DCC: variants seen among roughly 807,000 people sequenced by gnomAD.
DCC encodes the protein netrin receptor DCC.
A neutral mutation model predicts 172.5 loss-of-function variants in DCC; 58 were observed. The observed-to-expected ratio is 0.34, with a 90% confidence interval of 0.27 to 0.42. DCC has a LOEUF of 0.42. Ranked by LOEUF, DCC falls within the 10% of genes least tolerant of loss-of-function variation. The probability of loss-of-function intolerance (pLI) is 1.00; values close to 1 mark genes in which losing one functional copy is unlikely to be tolerated. For synonymous variants in DCC, 709 were observed against 644.5 expected, an observed-to-expected ratio of 1.10 and a Z score of -1.52; for missense variants, 1,740 against 1,791.0, an observed-to-expected ratio of 0.97 and a Z score of 0.51.
chr18:52,751,242 G>C (rs1260818755), intron 1 of DCC, among the ~76,000 whole-genome samples: 2 of 152,310 alleles, frequency 1.3e-5, no homozygotes, highest in East Asian at 3.9e-4. Flanking sequence ...CAAGGTCTTT[G>C]ACTCAACATG....
At chr18:52,802,899 G>A (rs750949664) in intron 2 of DCC, among the ~76,000 whole-genome samples, 1 of 151,650 alleles carries the variant, frequency 6.6e-6, no homozygotes, top group Non-Finnish European at 1.5e-5. Context: ...TTGCATATTT[G>A]TTATATATTG....
At chr18:53,305,868 AT>A (rs2057194330) in intron 13 of DCC, 149 bp downstream of exon 13, 2 of 749,356 alleles carry the variant, frequency 2.7e-6, no homozygotes, top group Admixed American at 2.2e-5. Context: ...CAACCTTTAT[AT>A]TTTTAACTTT....
chr18:53,030,413 G>C (rs1487863722), intron 5 of DCC, among the ~76,000 whole-genome samples: 2 of 152,016 alleles, frequency 1.3e-5, no homozygotes, highest in East Asian at 1.9e-4. Flanking sequence ...TCAACATAAA[G>C]AACAGGGTCT....
At chr18:53,268,711 C>G (rs146403756) in intron 12 of DCC, among the ~76,000 whole-genome samples, 19 of 152,218 alleles carry the variant, frequency 1.2e-4, no homozygotes, top group Non-Finnish European at 2.6e-4. Context: ...GGTGCTGTCA[C>G]GGTGATTTCA....
chr18:52,845,929 A>T (rs573757139), intron 2 of DCC, among the ~76,000 whole-genome samples: 1 of 152,240 alleles, frequency 6.6e-6, no homozygotes, highest in East Asian at 1.9e-4. Context: ...TTTCTGATTG[A>T]TTATACTTAA....
intron 7 of DCC, among the ~76,000 whole-genome samples, chr18:53,069,222 T>G (rs1484113914): frequency 6.6e-6 from 1 of 152,132 alleles, no homozygotes; most frequent in Non-Finnish European, 1.5e-5. Flanking sequence ...GAGGGGTTAA[T>G]CAGAAGCCAA....
At chr18:53,047,428 C>CATATATATAT (rs58797605) in intron 5 of DCC, among the ~76,000 whole-genome samples, 522 of 50,018 alleles carry the variant, frequency 0.01, 24 homozygotes, top group Non-Finnish European at 0.013. Context: ...ATATATTTTA[C>CATATATATAT]ATATATATAT....
chr18:52,473,290 C>T (rs1242516320), intron 1 of DCC, among the ~76,000 whole-genome samples: 1 of 152,126 alleles, frequency 6.6e-6, no homozygotes, highest in African/African-American at 2.4e-5. Context: ...GACAAAGTGG[C>T]CTTCCATGTT....
At chr18:52,939,254 T>C (rs1598950760) in intron 5 of DCC, among the ~76,000 whole-genome samples, 1 of 152,190 alleles carries the variant, frequency 6.6e-6, no homozygotes, top group African/African-American at 2.4e-5. Flanking sequence ...TCAGCTCTTC[T>C]TGTGGCTGAC....
At chr18:53,050,046 G>A (rs2042313202) in intron 5 of DCC, among the ~76,000 whole-genome samples, 1 of 150,512 alleles carries the variant, frequency 6.6e-6, no homozygotes, top group East Asian at 1.9e-4. Context: ...AAGTTCAAGA[G>A]TGAAAAAGCT....
chr18:53,213,437 C>T (rs930102322), intron 11 of DCC, among the ~76,000 whole-genome samples: 3 of 151,844 alleles, frequency 2.0e-5, no homozygotes, highest in African/African-American at 7.3e-5. Flanking sequence ...ATCACGAGGT[C>T]AGGAGTTTGA....
rs767925738 is a variant in DCC at position 52,752,148 on chromosome 18, C to A, written c.186C>A (p.Ser62=). 1.2e-6 allele frequency: 2 copies of A among 1,614,090 alleles called. No homozygotes were observed. The highest frequency in any genetic ancestry group is 1.1e-5 in the South Asian group (1 of 91,074). ...MRGGNVLLDC[S]AESDRGVPVI... The stretch of plus-strand genomic sequence containing the variant: ...GAGGAAATGTCCTCCTCGACTGCTC[C>A]GCGGAGTCCGACCGAGGAGTTCCAG... The change falls in exon 2 of 29, where the codon TCC becomes TCA. Residue 62 remains serine (S), a synonymous_variant. Coordinates refer to ENST00000442544, the MANE Select transcript of DCC (RefSeq NM_005215.4).
At position 52,653,848 on chromosome 18, in the gene DCC, C is replaced by CGA. The variant is rs1470290464; in HGVS notation, c.92-98206_92-98205insGA. ...GTAGCTTTGCTTCACTTTTGTTGCC[C>CGA]AGTGGACCATATGCAGTAGTGAGTT... On this transcript the variant is annotated intron_variant, in intron 1 of 28. Transcript: ENST00000442544. Among the ~76,000 whole-genome samples, 221 of 152,226 alleles carry CGA rather than the reference C, an allele frequency of 1.5e-3. 6 individuals carry two copies. In the East Asian group the frequency reaches 0.037, roughly 26 times the overall value.
In DCC at chr18:53,031,792, A is replaced by G. The variant is rs376916173; in HGVS notation, c.986-31513A>G. Among the ~76,000 whole-genome samples the G allele has an allele frequency of 1.3e-4, 20 of 152,232 alleles. No homozygotes were observed. The East Asian group carries it at 2.5e-3, about 19-fold the overall frequency. ...GGAAGGACTCCTAAGGTTTTGTAAC[A>G]TACTCTTTGTAGCATATGTTTTTAA... On this transcript the variant is annotated intron_variant, in intron 5 of 28. Coordinates refer to ENST00000442544, the MANE Select transcript of DCC (RefSeq NM_005215.4).
chr18:52,468,936 C>T (rs2144555977), intron 1 of DCC, among the ~76,000 whole-genome samples: 1 of 152,190 alleles, frequency 6.6e-6, no homozygotes, highest in African/African-American at 2.4e-5. Flanking sequence ...CTTATGTTTA[C>T]CTTTGGACCA....
chr18:52,819,232 C>A (rs2038360028), intron 2 of DCC, among the ~76,000 whole-genome samples: 1 of 152,138 alleles, frequency 6.6e-6, no homozygotes, highest in South Asian at 2.1e-4. Flanking sequence ...CTCCTCTTCC[C>A]AAATTAATCT....
chr18:53,444,307 C>T (rs1397792326), intron 22 of DCC, among the ~76,000 whole-genome samples: 1 of 152,112 alleles, frequency 6.6e-6, no homozygotes, highest in East Asian at 1.9e-4. Context: ...TTTGGGAAGC[C>T]AAGTTGGGCA....
chr18:52,942,917 C>T (rs527715184), intron 5 of DCC, among the ~76,000 whole-genome samples: 1 of 152,186 alleles, frequency 6.6e-6, no homozygotes, highest in East Asian at 1.9e-4. Context: ...CAGGGTCTGG[C>T]TTTGAATATT....
chr18:53,373,545 T>C lies in DCC; in HGVS notation c.2360-12498T>C, dbSNP rs546041163. ...GTTATTATTCTTTACCAGTTGTTTA[T>C]TTTTACATAATTATTCTAACTTCAT... On this transcript the variant is annotated intron_variant, in intron 15 of 28. Transcript: ENST00000442544. Among the ~76,000 whole-genome samples, 182 of 152,316 alleles carry C rather than the reference T, an allele frequency of 1.2e-3. 2 individuals carry two copies. In the South Asian group the frequency reaches 0.036, roughly 30 times the overall value.
Sources: gnomAD v4.1 joint callset for allele counts (sites outside exome capture counted in the v4.1 genomes callset) on GRCh38, gnomAD v4.1.1 for gene constraint, MANE v1.5 for transcripts, NCBI Gene and HGNC (gene_info 2026-07-23, HGNC 2026-07-21) for gene names.